Variants in SIPA1L1 observed in about 807,000 individuals in gnomAD.
SIPA1L1 encodes signal-induced proliferation-associated 1-like protein 1.
A neutral mutation model predicts 162.7 loss-of-function variants in SIPA1L1; 26 were observed. The observed-to-expected ratio is 0.16, with a 90% confidence interval of 0.12 to 0.22. The LOEUF is 0.22. Among genes scored for constraint, SIPA1L1 ranks in the 10% least tolerant of loss-of-function variants. The pLI is 1.00. For missense variants in SIPA1L1, 1,874 were observed against 2,241.0 expected, an observed-to-expected ratio of 0.84 and a Z score of 3.31; for synonymous variants, 829 against 837.4, an observed-to-expected ratio of 0.99 and a Z score of 0.17.
chr14:71,579,975 CCT>C lies in SIPA1L1; in HGVS notation c.-302-7595_-302-7594del, dbSNP rs148109879. Among the ~76,000 whole-genome samples, 744 of 152,250 alleles carry C rather than the reference CCT, an allele frequency of 4.9e-3. 4 individuals carry two copies. The highest frequency in any genetic ancestry group is 8.7e-3 in the Non-Finnish European group (594 of 68,028). On this transcript the variant is annotated intron_variant, in intron 4 of 23. Coordinates refer to ENST00000381232, the MANE Select transcript of SIPA1L1 (RefSeq NM_001386936.1). ...AGAGACTTGAGGATAGAGATGGCGC[CCT>C]GTGTCACTGACAGTGACTGTCTCAA...
At chr14:71,547,327 C>T (rs1459477826) in intron 4 of SIPA1L1, among the ~76,000 whole-genome samples, 6 of 126,702 alleles carry the variant, frequency 4.7e-5, no homozygotes, top group South Asian at 2.6e-4. Flanking sequence ...GATGGAGTCT[C>T]GCTCTGTCGA....
intron 10 of SIPA1L1, among the ~76,000 whole-genome samples, chr14:71,662,270 G>A (rs1269023883): frequency 6.6e-6 from 1 of 152,174 alleles, no homozygotes; most frequent in Non-Finnish European, 1.5e-5. Context: ...CTAGGAGTAA[G>A]GCAGATTAAT....
At chr14:71,471,133 C>T (rs1160207104) in intron 2 of SIPA1L1, among the ~76,000 whole-genome samples, 20 of 152,172 alleles carry the variant, frequency 1.3e-4, no homozygotes, top group Admixed American at 3.3e-4. Context: ...CGTGAGCCTC[C>T]GCACCCGGCC....
rs184234165 is a variant in SIPA1L1, at chr14:71,539,221, A to G, written c.-303+9851A>G. Among the ~76,000 whole-genome samples the G allele has an allele frequency of 7.3e-4, 111 of 152,280 alleles. 3 individuals are homozygous for G. The highest frequency in any genetic ancestry group is 1.6e-4 in the Non-Finnish European group (11 of 68,026). On this transcript the variant is annotated intron_variant, in intron 4 of 23. Coordinates refer to ENST00000381232, the MANE Select transcript of SIPA1L1 (RefSeq NM_001386936.1). ...CCCGTTTTCCAAAATGAGATAATGA[A>G]TATAAAAACACTCTCTCATAAGCTG...
chr14:71,625,312 T>G (rs1425152061), intron 7 of SIPA1L1, among the ~76,000 whole-genome samples: 1 of 151,926 alleles, frequency 6.6e-6, no homozygotes. Flanking sequence ...CTTTTTTTTT[T>G]TTTTTCTGGA....
At chr14:71,327,244 A>G (rs2033938630) in intron 2 of SIPA1L1, among the ~76,000 whole-genome samples, 1 of 151,388 alleles carries the variant, frequency 6.6e-6, no homozygotes, top group Admixed American at 6.6e-5. Flanking sequence ...CACCATGCCC[A>G]GCTAATTTTT....
chr14:71,423,447 T>C (rs940211998), intron 2 of SIPA1L1, among the ~76,000 whole-genome samples: 2 of 152,150 alleles, frequency 1.3e-5, no homozygotes, highest in African/African-American at 4.8e-5. Flanking sequence ...TGTGAGAGCT[T>C]TATAGTTTTA....
At chr14:71,723,230 A>G (rs1453624079) in intron 17 of SIPA1L1, among the ~76,000 whole-genome samples, 3 of 152,244 alleles carry the variant, frequency 2.0e-5, no homozygotes, top group Admixed American at 2.0e-4. Context: ...TCCCCTCCTC[A>G]GCTTGGTCCC....
chr14:71,671,681 A>G lies in SIPA1L1; in HGVS notation c.2818A>G (p.Lys940Glu). Residue 940 changes from lysine to glutamate, a missense_variant, in exon 11 of 24, where the codon AAA becomes GAA. Physicochemically the swap from Lys to Glu is moderately conservative, Grantham distance 56. Transcript: ENST00000381232. Reference protein sequence around the residue: ...INIEEIKEIVKRLQFVSKGCE... With the variant: ...INIEEIKEIVERLQFVSKGCE... Reference sequence around the variant, plus strand: ...CATTGAGGAGATCAAAGAGATTGTCAAAAGGTTGCAGGTGAGTCTCTCCTT... The same window carrying G: ...CATTGAGGAGATCAAAGAGATTGTCGAAAGGTTGCAGGTGAGTCTCTCCTT... 1.9e-6 allele frequency: 3 copies of G among 1,594,954 alleles called. No homozygotes were observed. The highest frequency in any genetic ancestry group is 2.6e-6 in the Non-Finnish European group (3 of 1,171,706).
intron 2 of SIPA1L1, among the ~76,000 whole-genome samples, chr14:71,417,235 G>A (rs921193652): frequency 6.6e-6 from 1 of 151,910 alleles, no homozygotes; most frequent in South Asian, 2.1e-4. Context: ...CTATTGGGAG[G>A]CCGAGGCGGG....
Position 71,707,384 on chromosome 14 carries a change from G to A in SIPA1L1, c.3766-1838G>A, listed in dbSNP as rs373731065. 1.1e-4 allele frequency among the ~76,000 whole-genome samples: 16 copies of A among 152,140 alleles called. No individual in the cohort carries two copies. The East Asian group carries it at 2.3e-3, about 22-fold the overall frequency. On this transcript the variant is annotated intron_variant, in intron 16 of 23. Coordinates refer to ENST00000381232, the MANE Select transcript of SIPA1L1 (RefSeq NM_001386936.1). The stretch of plus-strand genomic sequence containing the variant: ...ATTTACCCATTTAAAATATACAATT[G>A]AGTGAGTTGTAGCAGCATTTTCACA...
At chr14:71,736,133 T>C (rs537618786) in intron 22 of SIPA1L1, among the ~76,000 whole-genome samples, 1 of 152,360 alleles carries the variant, frequency 6.6e-6, no homozygotes, top group South Asian at 2.1e-4. Flanking sequence ...TGGTGGCTCA[T>C]GCCTGTAATT....
intron 2 of SIPA1L1, among the ~76,000 whole-genome samples, chr14:71,326,631 C>CT (rs1261340838): frequency 4.0e-5 from 6 of 150,828 alleles, no homozygotes; most frequent in Non-Finnish European, 8.8e-5. Context: ...TGGTCAGTGT[C>CT]TTTTACTCTG....
intron 4 of SIPA1L1, among the ~76,000 whole-genome samples, chr14:71,554,671 A>G (rs999062286): frequency 6.6e-6 from 1 of 152,194 alleles, no homozygotes; most frequent in Non-Finnish European, 1.5e-5. Flanking sequence ...TCTTCATAAA[A>G]TTTTTTGGTG....
chr14:71,738,399 T>A, intron 23 of SIPA1L1, 74 bp downstream of exon 23: 1 of 1,015,104 alleles, frequency 9.9e-7, no homozygotes, highest in Non-Finnish European at 1.5e-6. Context: ...CCTTTCTAAG[T>A]AGCATGGTAA....
chr14:71,378,554 A>G (rs1254906841), intron 2 of SIPA1L1, among the ~76,000 whole-genome samples: 2 of 152,216 alleles, frequency 1.3e-5, no homozygotes, highest in African/African-American at 2.4e-5. Context: ...AGAGCCCACC[A>G]TATGATATGA....
chr14:71,594,774 A>G (rs1035944341), intron 5 of SIPA1L1, among the ~76,000 whole-genome samples: 2 of 152,126 alleles, frequency 1.3e-5, no homozygotes, highest in African/African-American at 4.8e-5. Context: ...CACTCTATTT[A>G]TATATAATCT....
chr14:71,539,312 T>C (rs2054173923), intron 4 of SIPA1L1, among the ~76,000 whole-genome samples: 1 of 152,234 alleles, frequency 6.6e-6, no homozygotes, highest in Non-Finnish European at 1.5e-5. Context: ...TGTGGCCTAG[T>C]GTAAATATTC....
At chr14:71,457,596 C>T (rs371320719) in intron 2 of SIPA1L1, among the ~76,000 whole-genome samples, 10 of 150,832 alleles carry the variant, frequency 6.6e-5, no homozygotes, top group South Asian at 2.1e-4. Context: ...CATGCCCAGC[C>T]GACATTTTTT....
Sources: gnomAD v4.1 joint callset for allele counts (sites outside exome capture counted in the v4.1 genomes callset) on GRCh38, gnomAD v4.1.1 for gene constraint, MANE v1.5 for transcripts, NCBI Gene and HGNC (gene_info 2026-07-23, HGNC 2026-07-21) for gene names.